LINGO2: variants seen among roughly 807,000 people sequenced by gnomAD.
The protein encoded by LINGO2 is leucine rich repeat and Ig domain containing 2.
A neutral mutation model predicts 30.6 loss-of-function variants in LINGO2; 14 were observed. That is an observed-to-expected ratio of 0.46 (90% CI 0.30 to 0.72). The LOEUF is 0.72. LINGO2 is among the 30% of genes least tolerant of loss of function. The probability of loss-of-function intolerance (pLI) is 0.07; values close to 1 mark genes in which losing one functional copy is unlikely to be tolerated. For missense variants in LINGO2, 729 were observed against 751.7 expected (o/e 0.97, Z 0.35); for synonymous variants, 317 against 288.5 (o/e 1.10, Z -1.00).
chr9:28,696,915 AT>A, the LINGO2 span, among the ~76,000 whole-genome samples: 7 of 151,314 alleles, frequency 4.6e-5, no homozygotes, highest in African/African-American at 7.3e-5. Flanking sequence ...CATGATCTAA[AT>A]TTTTTTTTCC....
At chr9:28,941,929 C>A in the LINGO2 span, among the ~76,000 whole-genome samples, 1 of 152,056 alleles carries the variant, frequency 6.6e-6, no homozygotes, top group African/African-American at 2.4e-5. Flanking sequence ...AAGTTTAACA[C>A]CTGAAAGAAA....
chr9:29,041,059 A>G, the LINGO2 span, among the ~76,000 whole-genome samples: 1 of 151,998 alleles, frequency 6.6e-6, no homozygotes, highest in African/African-American at 2.4e-5. Context: ...AAGAATAATA[A>G]AAGTCATTTG....
the LINGO2 span, among the ~76,000 whole-genome samples, chr9:28,715,768 T>G: frequency 6.6e-6 from 1 of 152,046 alleles, no homozygotes; most frequent in African/African-American, 2.4e-5. Context: ...TTTCAGAAGA[T>G]TTGTTTGGCA....
chr9:28,801,450 C>A, the LINGO2 span, among the ~76,000 whole-genome samples: 1 of 152,234 alleles, frequency 6.6e-6, no homozygotes, highest in South Asian at 2.1e-4. Context: ...AGTCTCTACT[C>A]ATTTCTATCA....
the LINGO2 span, among the ~76,000 whole-genome samples, chr9:28,840,290 C>T: frequency 6.6e-6 from 1 of 151,840 alleles, no homozygotes; most frequent in Non-Finnish European, 1.5e-5. Context: ...GAGCGTGCAG[C>T]CCCAACTGCA....
chr9:28,744,476 T>C, the LINGO2 span, among the ~76,000 whole-genome samples: 3 of 151,970 alleles, frequency 2.0e-5, no homozygotes, highest in Non-Finnish European at 4.4e-5. Flanking sequence ...GATGATGATG[T>C]CCACCATGAA....
chr9:28,729,915 TA>T, the LINGO2 span, among the ~76,000 whole-genome samples: 1 of 151,984 alleles, frequency 6.6e-6, no homozygotes, highest in African/African-American at 2.4e-5. Flanking sequence ...AGCATTTATA[TA>T]GAATAATATT....
At chr9:28,996,158 C>T in the LINGO2 span, among the ~76,000 whole-genome samples, 1 of 149,762 alleles carries the variant, frequency 6.7e-6, no homozygotes, top group Admixed American at 6.7e-5. Flanking sequence ...GGCCTCCTTG[C>T]CAAACTGTTC....
chr9:28,822,265 C>T, the LINGO2 span, among the ~76,000 whole-genome samples: 2 of 152,162 alleles, frequency 1.3e-5, no homozygotes, highest in Non-Finnish European at 2.9e-5. Context: ...AAACTATACC[C>T]TCTGCATACT....
intron 2 of LINGO2, among the ~76,000 whole-genome samples, chr9:28,395,375 C>T (rs1455161976): frequency 3.3e-5 from 5 of 152,200 alleles, no homozygotes; most frequent in African/African-American, 1.2e-4. Flanking sequence ...TACCCAATCA[C>T]TGGCATGCTC....
intron 4 of LINGO2, among the ~76,000 whole-genome samples, chr9:28,268,639 A>G (rs1822836980): frequency 6.6e-6 from 1 of 152,142 alleles, no homozygotes; most frequent in African/African-American, 2.4e-5. Context: ...ATATCAAATT[A>G]CATGAGTATA....
chr9:28,463,575 T>A (rs1043516180), intron 2 of LINGO2, among the ~76,000 whole-genome samples: 3 of 152,042 alleles, frequency 2.0e-5, no homozygotes, highest in African/African-American at 7.2e-5. Context: ...AAATGGCTTG[T>A]AAAAGGTCAT....
intron 2 of LINGO2, among the ~76,000 whole-genome samples, chr9:28,461,976 G>T (rs1825098535): frequency 6.6e-6 from 1 of 152,086 alleles, no homozygotes; most frequent in African/African-American, 2.4e-5. Context: ...TTAGTCTAAT[G>T]TTACAAACTG....
chr9:27,950,712 T>C lies in LINGO2; in HGVS notation c.-35-6A>G. 1 of 1,455,850 alleles carries C rather than the reference T, an allele frequency of 6.9e-7. No homozygotes were observed. Among genetic ancestry groups the C allele is most frequent in the Non-Finnish European group, 9.1e-7 (1 of 1,098,784 alleles). 90.2% of individuals were successfully genotyped at this position (1,455,850 alleles called of 1,614,324 possible). On this transcript the variant is annotated splice_polypyrimidine_tract_variant and splice_region_variant and intron_variant, in intron 5 of 5. Transcript: ENST00000379992. ...TCTACACCTTGGTCACGGGTCTGCATGGAAGGGACACAAGAAGGGAGGAAG... is the reference window on the plus strand; with the variant it reads ...TCTACACCTTGGTCACGGGTCTGCACGGAAGGGACACAAGAAGGGAGGAAG...
At chr9:28,035,451 A>T (rs1261963737) in intron 4 of LINGO2, among the ~76,000 whole-genome samples, 4 of 152,220 alleles carry the variant, frequency 2.6e-5, no homozygotes, top group African/African-American at 9.6e-5. Context: ...GATAATTACA[A>T]TACTGCTTCT....
the LINGO2 span, among the ~76,000 whole-genome samples, chr9:29,096,565 C>T: frequency 3.6e-5 from 5 of 140,312 alleles, no homozygotes; most frequent in African/African-American, 1.3e-4. Context: ...GGATTACAGG[C>T]GTGAGCCACC....
intron 2 of LINGO2, among the ~76,000 whole-genome samples, chr9:28,404,347 A>C (rs948999950): frequency 6.6e-6 from 1 of 152,056 alleles, no homozygotes; most frequent in Non-Finnish European, 1.5e-5. Flanking sequence ...GGTTTAAAGA[A>C]AAAAAATCAG....
At chr9:28,471,597 T>G (rs1587718509) in intron 2 of LINGO2, among the ~76,000 whole-genome samples, 1 of 152,198 alleles carries the variant, frequency 6.6e-6, no homozygotes, top group African/African-American at 2.4e-5. Context: ...GAAAGTTAAT[T>G]AAAACCACAA....
intron 2 of LINGO2, among the ~76,000 whole-genome samples, chr9:28,381,232 C>G (rs576149285): frequency 2.0e-4 from 31 of 151,874 alleles, no homozygotes; most frequent in Non-Finnish European, 4.0e-4. Context: ...AACAAACAAA[C>G]AAACAAAAAC....
Sources: allele counts gnomAD v4.1 joint callset (sites outside exome capture counted in the v4.1 genomes callset), GRCh38; gene constraint gnomAD v4.1.1; transcripts MANE v1.5; gene names NCBI Gene and HGNC (gene_info 2026-07-23, HGNC 2026-07-21).